ENTREP2: variants seen among roughly 807,000 people sequenced by gnomAD.
ENTREP2 encodes the protein protein ENTREP2.
chr15:29,506,442 A>G, the ENTREP2 span, among the ~76,000 whole-genome samples: 2 of 152,324 alleles, frequency 1.3e-5, no homozygotes, highest in African/African-American at 4.8e-5. Flanking sequence ...GAGCAACCCC[A>G]AGACACATAA....
chr15:29,568,227 G>GA, the ENTREP2 span, among the ~76,000 whole-genome samples: 1 of 152,204 alleles, frequency 6.6e-6, no homozygotes, highest in Non-Finnish European at 1.5e-5. Flanking sequence ...ATAAGCCCAT[G>GA]AAAAAACAGA....
the ENTREP2 span, among the ~76,000 whole-genome samples, chr15:29,535,317 TCTC>T: frequency 5.9e-5 from 9 of 152,048 alleles, no homozygotes; most frequent in Non-Finnish European, 5.9e-5. Context: ...CTTATAACAT[TCTC>T]CTAATAAAAT....
At chr15:29,287,218 C>A in the ENTREP2 span, among the ~76,000 whole-genome samples, 1 of 152,032 alleles carries the variant, frequency 6.6e-6, no homozygotes. Flanking sequence ...GGCCATTTCC[C>A]CATGGAATGG....
chr15:29,591,837 GAAGAAGAAGAAGAAGAAGA>G, the ENTREP2 span, among the ~76,000 whole-genome samples: 3 of 11,204 alleles, frequency 2.7e-4, no homozygotes, highest in African/African-American at 1.1e-3. Context: ...CAAAAGAGAA[GAAGAAGAAGAAGAAGAAGA>G]AGAAGAAGAA....
At chr15:29,631,733 G>A in the ENTREP2 span, among the ~76,000 whole-genome samples, 1 of 152,216 alleles carries the variant, frequency 6.6e-6, no homozygotes, top group African/African-American at 2.4e-5. Context: ...GGTGGGGACA[G>A]AAGTCCAGAC....
chr15:29,650,834 C>T, the ENTREP2 span, among the ~76,000 whole-genome samples: 1 of 151,942 alleles, frequency 6.6e-6, no homozygotes, highest in South Asian at 2.1e-4. Flanking sequence ...CATAGCAAGA[C>T]CCTGTTTCCA....
At chr15:29,521,845 T>C in the ENTREP2 span, among the ~76,000 whole-genome samples, 22 of 142,922 alleles carry the variant, frequency 1.5e-4, no homozygotes, top group African/African-American at 5.7e-4. Context: ...CTCATCAGAA[T>C]ATATACATAC....
chr15:29,663,725 A>AG, the ENTREP2 span, among the ~76,000 whole-genome samples: 2 of 151,880 alleles, frequency 1.3e-5, no homozygotes, highest in Non-Finnish European at 1.5e-5. Flanking sequence ...GGGGAGGGGG[A>AG]GGGGGGAGAG....
At chr15:29,292,528 G>A in the ENTREP2 span, among the ~76,000 whole-genome samples, 4 of 151,978 alleles carry the variant, frequency 2.6e-5, no homozygotes, top group Admixed American at 6.6e-5. Context: ...TTACAGGCAC[G>A]TGCCACTACG....
chr15:29,565,878 A>G, the ENTREP2 span, among the ~76,000 whole-genome samples: 11 of 151,616 alleles, frequency 7.3e-5, no homozygotes, highest in African/African-American at 1.2e-4. Flanking sequence ...GGAGAATGGC[A>G]TGAACCCGGG....
At chr15:29,346,131 A>C in the ENTREP2 span, among the ~76,000 whole-genome samples, 2 of 152,174 alleles carry the variant, frequency 1.3e-5, no homozygotes, top group African/African-American at 4.8e-5. Context: ...CTGCACAACG[A>C]CGCCAAGAAG....
At chr15:29,479,570 CT>C in the ENTREP2 span, among the ~76,000 whole-genome samples, 1 of 152,038 alleles carries the variant, frequency 6.6e-6, no homozygotes, top group Non-Finnish European at 1.5e-5. Context: ...TACTCCACCC[CT>C]AAGGGCTACT....
the ENTREP2 span, among the ~76,000 whole-genome samples, chr15:29,264,629 C>T: frequency 6.6e-6 from 1 of 152,058 alleles, no homozygotes; most frequent in Non-Finnish European, 1.5e-5. Context: ...AAAACAGGCC[C>T]GTATTCTTCA....
At chr15:29,333,759 G>C in the ENTREP2 span, among the ~76,000 whole-genome samples, 2 of 152,032 alleles carry the variant, frequency 1.3e-5, no homozygotes, top group Non-Finnish European at 2.9e-5. Flanking sequence ...CAATACCTGA[G>C]ACTGTGACCT....
the ENTREP2 span, chr15:29,120,579 C>G: frequency 6.6e-6 from 1 of 152,258 alleles, no homozygotes; most frequent in Non-Finnish European, 1.5e-5. Context: ...TCTCCCCACT[C>G]AGCAACCTTG....
At chr15:29,639,268 C>T in the ENTREP2 span, among the ~76,000 whole-genome samples, 24 of 152,208 alleles carry the variant, frequency 1.6e-4, no homozygotes, top group East Asian at 3.7e-3. Flanking sequence ...AAAAACTGGC[C>T]GAGTCTTGAC....
chr15:29,563,383 A>G, the ENTREP2 span, among the ~76,000 whole-genome samples: 1 of 150,642 alleles, frequency 6.6e-6, no homozygotes, highest in Admixed American at 6.6e-5. Flanking sequence ...CTCTATTTTT[A>G]TTTCTGTGCT....
chr15:29,330,981 GC>G, the ENTREP2 span, among the ~76,000 whole-genome samples: 15 of 152,164 alleles, frequency 9.9e-5, no homozygotes, highest in African/African-American at 1.7e-4. Flanking sequence ...TAAACCAACA[GC>G]TGCTGGTTGC....
the ENTREP2 span, among the ~76,000 whole-genome samples, chr15:29,326,469 C>T: frequency 6.6e-6 from 1 of 152,080 alleles, no homozygotes; most frequent in African/African-American, 2.4e-5. Context: ...CCATTAAACA[C>T]TGCACCAAGA....
Sources: gnomAD v4.1 joint callset for allele counts (sites outside exome capture counted in the v4.1 genomes callset) on GRCh38, gnomAD v4.1.1 for gene constraint, MANE v1.5 for transcripts, NCBI Gene and HGNC (gene_info 2026-07-23, HGNC 2026-07-21) for gene names.